The following KIAA1755 variants were observed in gnomAD, a reference collection of about 807,000 sequenced individuals.
KIAA1755 encodes uncharacterized protein KIAA1755.
KIAA1755 carries 68 observed loss-of-function variants against 91.7 expected under a neutral mutation model. The observed-to-expected ratio is 0.74, with a 90% CI of 0.61 to 0.91. The LOEUF (loss-of-function observed/expected upper bound fraction) is 0.91. KIAA1755 is among the 40% of genes least tolerant of loss of function. The probability of loss-of-function intolerance (pLI) is 0.00; values close to 1 mark genes in which losing one functional copy is unlikely to be tolerated. For missense variants in KIAA1755, 1,535 were observed against 1,494.4 expected (o/e 1.03, Z -0.45); for synonymous variants, 610 against 604.6 (o/e 1.01, Z -0.13).
intron 13 of KIAA1755, among the ~76,000 whole-genome samples, chr20:38,215,431 C>T (rs561097308): frequency 7.2e-5 from 11 of 152,316 alleles, no homozygotes; most frequent in Admixed American, 2.0e-4. Flanking sequence ...CCAACTCGAA[C>T]CCAGTCCCTG....
chr20:38,222,154 G>A (rs2075670191), intron 10 of KIAA1755, among the ~76,000 whole-genome samples: 1 of 152,256 alleles, frequency 6.6e-6, no homozygotes, highest in Non-Finnish European at 1.5e-5. Flanking sequence ...GTCAGAGAAA[G>A]TGCTTTTCCA....
At chr20:38,223,677 C>T in intron 8 of KIAA1755, 41 bp from the exon 9 acceptor site, 1 of 1,503,622 alleles carries the variant, frequency 6.7e-7, no homozygotes, top group Non-Finnish European at 9.1e-7. Context: ...CAGCCCAGGC[C>T]AACCAGGAGG....
chr20:38,251,865 C>A (rs995842399), intron 1 of KIAA1755, among the ~76,000 whole-genome samples: 2 of 152,096 alleles, frequency 1.3e-5, no homozygotes, highest in Admixed American at 6.6e-5. Context: ...TGTGCCTGGC[C>A]CCATTATAAT....
chr20:38,233,838 C>T (rs2075911429), intron 4 of KIAA1755: 1 of 152,158 alleles, frequency 6.6e-6, no homozygotes, highest in South Asian at 2.1e-4. Context: ...GTCCCCTGCC[C>T]CTCCAAATTT....
At chr20:38,224,843 G>A (rs2075727020) in intron 8 of KIAA1755, among the ~76,000 whole-genome samples, 1 of 152,160 alleles carries the variant, frequency 6.6e-6, no homozygotes, top group Non-Finnish European at 1.5e-5. Flanking sequence ...CCCCTCTTGG[G>A]GTTGTGGGGA....
At chr20:38,226,350 T>C (rs1032967102) in intron 7 of KIAA1755, among the ~76,000 whole-genome samples, 4 of 152,194 alleles carry the variant, frequency 2.6e-5, no homozygotes, top group African/African-American at 9.7e-5. Flanking sequence ...CTGTGGTTTT[T>C]TTGGACCCAC....
At chr20:38,224,640 C>T (rs1441769292) in intron 8 of KIAA1755, among the ~76,000 whole-genome samples, 5 of 152,120 alleles carry the variant, frequency 3.3e-5, no homozygotes, top group Admixed American at 6.5e-5. Context: ...CCAAGCATGC[C>T]GCAATACACA....
rs141321273 is a variant in KIAA1755 at position 38,248,546 on chromosome 20, G to T, written c.4-2420C>A. Among the ~76,000 whole-genome samples the T allele has an allele frequency of 3.3e-3, 503 of 152,258 alleles. 1 individual carries two copies. The highest frequency in any genetic ancestry group is 0.011 in the African/African-American group (470 of 41,542). ...ACAGGAGGCAGGTACAGTAAGCACT[G>T]GCTTCTTTTCCTCTTTGGGGCCTCG... On this transcript the variant is annotated intron_variant, in intron 1 of 13. Transcript: ENST00000279024.
intron 1 of KIAA1755, among the ~76,000 whole-genome samples, chr20:38,249,413 C>T (rs746148081): frequency 4.6e-5 from 7 of 152,278 alleles, no homozygotes; most frequent in Admixed American, 1.3e-4. Context: ...GTAAATGAGG[C>T]CCCTGAAGAA....
chr20:38,222,308 G>T, intron 10 of KIAA1755, 141 bp downstream of exon 10: 1 of 854,102 alleles, frequency 1.2e-6, no homozygotes, highest in Non-Finnish European at 1.8e-6. Context: ...GCGTCAGCCT[G>T]GGATACAGGC....
At chr20:38,223,323 C>T (rs112293982) in intron 9 of KIAA1755, among the ~76,000 whole-genome samples, 315 of 152,366 alleles carry the variant, frequency 2.1e-3, no homozygotes, top group African/African-American at 7.1e-3. Context: ...CACAGCACCA[C>T]GAGCCCCAAG....
intron 1 of KIAA1755, among the ~76,000 whole-genome samples, chr20:38,249,861 A>C (rs2076217602): frequency 6.6e-6 from 1 of 151,494 alleles, no homozygotes; most frequent in Admixed American, 6.6e-5. Context: ...TCCTGGGAGC[A>C]GTCCCTTCCC....
chr20:38,221,866 T>C (rs531805784), intron 10 of KIAA1755, among the ~76,000 whole-genome samples: 35 of 152,318 alleles, frequency 2.3e-4, no homozygotes, highest in African/African-American at 7.9e-4. Flanking sequence ...GCTGGGACTT[T>C]CCAGGAATGT....
At chr20:38,239,152 C>A (rs1487000341) in intron 4 of KIAA1755, among the ~76,000 whole-genome samples, 1 of 152,358 alleles carries the variant, frequency 6.6e-6, no homozygotes, top group South Asian at 2.1e-4. Flanking sequence ...CAGCCCACAG[C>A]CTTGCTTGGC....
In KIAA1755 at chr20:38,240,778, G is replaced by A. The variant is rs762923578; in HGVS notation, c.1353C>T (p.Pro451=). ...VKTKERNGRL[P]KPMPCPSRNT... ...TTCTGCTAGGGCAGGGCATGGGCTTGGGAAGTCTCCCATTTCTCTCTTTGG... is the reference window on the plus strand; with the variant it reads ...TTCTGCTAGGGCAGGGCATGGGCTTAGGAAGTCTCCCATTTCTCTCTTTGG... Residue 451 remains proline, a synonymous_variant, in exon 3 of 14, where the codon CCC becomes CCT. Transcript: ENST00000279024. 1.2e-6 allele frequency: 2 copies of A among 1,605,254 alleles called. No individual in the cohort carries two copies. The highest frequency in any genetic ancestry group is 1.7e-6 in the Non-Finnish European group (2 of 1,175,504).
Position 38,211,139 on chromosome 20 carries a change from G to A in KIAA1755, c.*1903C>T, listed in dbSNP as rs2075446652. ...GACCGGCTCTGCTCATGGCTCTGAG[G>A]CAGGCAGGCCCTAGACCACACCTGG... On this transcript the variant is annotated 3_prime_UTR_variant, in exon 14 of 14. Transcript: ENST00000279024. The A allele has an allele frequency of 1.3e-5, 2 of 152,250 alleles. No homozygotes were observed. The highest frequency in any genetic ancestry group is 4.8e-5 in the African/African-American group (2 of 41,450). The allele number at this position is 152,250 out of a possible 1,614,324, so 9.4% of individuals were successfully genotyped here.
rs2075442956 is a variant in KIAA1755, at chr20:38,210,797, T to C, written c.*2245A>G. The C allele has an allele frequency of 2.0e-5, 3 of 152,216 alleles. No individual in the cohort carries two copies. The highest frequency in any genetic ancestry group is 4.1e-4 in the South Asian group (2 of 4,832). 9.4% of individuals were successfully genotyped at this position (152,216 alleles called of 1,614,324 possible). On this transcript the variant is annotated 3_prime_UTR_variant, in exon 14 of 14. Coordinates refer to ENST00000279024, the MANE Select transcript of KIAA1755 (RefSeq NM_001029864.2). ...CTCCCTGCCTGTGGTACCCACTGGC[T>C]GGATGCTGTTGCTATGGCAACAGCA...
chr20:38,222,704 G>T (rs771754255), intron 9 of KIAA1755, 107 bp from the exon 10 acceptor site: 12 of 1,214,244 alleles, frequency 9.9e-6, no homozygotes, highest in Non-Finnish European at 9.4e-6. Context: ...TGGCATTCAA[G>T]GTCCTCCAGA....
intron 4 of KIAA1755, among the ~76,000 whole-genome samples, chr20:38,235,526 T>TG (rs1385567921): frequency 6.6e-6 from 1 of 151,868 alleles, no homozygotes; most frequent in Non-Finnish European, 1.5e-5. Flanking sequence ...CCAAGATGGA[T>TG]GGGGGGTGAG....
Sources: gnomAD v4.1 joint callset for allele counts (sites outside exome capture counted in the v4.1 genomes callset) on GRCh38, gnomAD v4.1.1 for gene constraint, MANE v1.5 for transcripts, NCBI Gene and HGNC (gene_info 2026-07-23, HGNC 2026-07-21) for gene names.